The following RBFOX1 variants were observed in gnomAD, a reference collection of about 807,000 sequenced individuals.
RBFOX1 encodes the protein RNA binding fox-1 homolog 1.
Under a neutral mutation model 57.7 loss-of-function variants are expected in RBFOX1, and 8 were observed. The observed-to-expected ratio is 0.14, with a 90% CI of 0.08 to 0.25. The LOEUF is 0.25. Among genes scored for constraint, RBFOX1 ranks in the 10% least tolerant of loss-of-function variants. The pLI, the probability that RBFOX1 is intolerant of heterozygous loss-of-function variation, is 1.00. For synonymous variants in RBFOX1, 326 were observed against 222.4 expected (o/e 1.47, Z -4.15); for missense variants, 611 against 548.5 (o/e 1.11, Z -1.14).
At chr16:7,124,236 C>G (rs1016963886) in intron 4 of RBFOX1, among the ~76,000 whole-genome samples, 1 of 152,004 alleles carries the variant, frequency 6.6e-6, no homozygotes, top group African/African-American at 2.4e-5. Context: ...GAGTTGAAGA[C>G]TAGCCTGGGC....
At chr16:6,103,731 T>A (rs565441249) in intron 1 of RBFOX1, among the ~76,000 whole-genome samples, 1 of 152,240 alleles carries the variant, frequency 6.6e-6, no homozygotes, top group East Asian at 1.9e-4. Flanking sequence ...CATTCCTCAC[T>A]TCCACCTGCA....
At chr16:6,529,972 T>C (rs1398884801) in intron 2 of RBFOX1, among the ~76,000 whole-genome samples, 1 of 152,168 alleles carries the variant, frequency 6.6e-6, no homozygotes, top group East Asian at 1.9e-4. Context: ...TTCAACTTTC[T>C]GGTCCCTTTT....
intron 1 of RBFOX1, among the ~76,000 whole-genome samples, chr16:6,078,309 C>A (rs933796646): frequency 1.3e-5 from 2 of 152,180 alleles, no homozygotes; most frequent in African/African-American, 4.8e-5. Flanking sequence ...GCTTCTCCAG[C>A]CCATGTCCCC....
chr16:7,138,625 T>C (rs1172981190), intron 4 of RBFOX1, among the ~76,000 whole-genome samples: 1 of 152,156 alleles, frequency 6.6e-6, no homozygotes, highest in Non-Finnish European at 1.5e-5. Flanking sequence ...ATGCAAAAGA[T>C]AATAATTCTC....
At chr16:6,928,953 C>T (rs113837017) in intron 3 of RBFOX1, among the ~76,000 whole-genome samples, 1 of 152,100 alleles carries the variant, frequency 6.6e-6, no homozygotes, top group Admixed American at 6.6e-5. Context: ...CAGATGTCAT[C>T]TCATGTCATT....
intron 4 of RBFOX1, among the ~76,000 whole-genome samples, chr16:7,505,438 C>A (rs1214945123): frequency 6.6e-6 from 1 of 152,180 alleles, no homozygotes. Context: ...TGGTTGGGAA[C>A]TTCACTTGTT....
chr16:5,619,639 T>A (rs1443728346), intron 3 of RBFOX1, among the ~76,000 whole-genome samples: 2 of 152,148 alleles, frequency 1.3e-5, no homozygotes, highest in Non-Finnish European at 2.9e-5. Context: ...TACACACCAT[T>A]AGCAGGTGGC....
chr16:5,637,330 AT>A (rs2048713943), intron 3 of RBFOX1, among the ~76,000 whole-genome samples: 1 of 152,118 alleles, frequency 6.6e-6, no homozygotes, highest in African/African-American at 2.4e-5. Flanking sequence ...TAAATAAGTC[AT>A]GTCTTAGTAG....
chr16:7,398,191 G>T (rs1312283964), intron 4 of RBFOX1, among the ~76,000 whole-genome samples: 5 of 152,204 alleles, frequency 3.3e-5, no homozygotes, highest in African/African-American at 1.2e-4. Flanking sequence ...AGATGCCTCA[G>T]ACGCTTATGC....
intron 3 of RBFOX1, among the ~76,000 whole-genome samples, chr16:6,972,381 A>G (rs2085773679): frequency 6.6e-6 from 1 of 152,104 alleles, no homozygotes; most frequent in Non-Finnish European, 1.5e-5. Context: ...ATCACTTAGC[A>G]TAATGTCCTC....
At chr16:5,924,230 T>A (rs938349987) in intron 4 of RBFOX1, among the ~76,000 whole-genome samples, 3 of 152,164 alleles carry the variant, frequency 2.0e-5, no homozygotes, top group Non-Finnish European at 4.4e-5. Context: ...TAAACCTCTT[T>A]CCTTTATAAA....
At chr16:7,652,428 GAA>G (rs1470474150) in intron 11 of RBFOX1, among the ~76,000 whole-genome samples, 1 of 152,142 alleles carries the variant, frequency 6.6e-6, no homozygotes, top group African/African-American at 2.4e-5. Context: ...TCTTATTTGA[GAA>G]AAAGTCTTGC....
chr16:7,638,064 C>T (rs2062064500), intron 11 of RBFOX1, among the ~76,000 whole-genome samples: 2 of 152,178 alleles, frequency 1.3e-5, no homozygotes, highest in Admixed American at 1.3e-4. Flanking sequence ...TGCATTAAAA[C>T]ATGATCTATC....
At chr16:6,864,245 A>G (rs1349847225) in intron 3 of RBFOX1, among the ~76,000 whole-genome samples, 6 of 152,160 alleles carry the variant, frequency 3.9e-5, no homozygotes, top group South Asian at 4.1e-4. Flanking sequence ...TTCTCAAAGC[A>G]TAACTCTTCC....
chr16:6,165,157 G>T (rs1405598222), intron 1 of RBFOX1, among the ~76,000 whole-genome samples: 1 of 151,858 alleles, frequency 6.6e-6, no homozygotes, highest in African/African-American at 2.4e-5. Flanking sequence ...TTTTAAGTGG[G>T]AGTAATAGTA....
intron 1 of RBFOX1, among the ~76,000 whole-genome samples, chr16:6,142,590 G>A (rs1473534922): frequency 6.6e-6 from 1 of 152,152 alleles, no homozygotes; most frequent in Admixed American, 6.5e-5. Context: ...CTTTCAGGAA[G>A]GCAATGGCTC....
chr16:6,907,626 A>G (rs2070376980), intron 3 of RBFOX1, among the ~76,000 whole-genome samples: 1 of 152,290 alleles, frequency 6.6e-6, no homozygotes, highest in South Asian at 2.1e-4. Context: ...GCTGGATTGC[A>G]GTGGCACGAT....
chr16:7,189,586 C>CACAG (rs1291219168), intron 4 of RBFOX1, among the ~76,000 whole-genome samples: 1 of 145,918 alleles, frequency 6.9e-6, no homozygotes, highest in African/African-American at 2.7e-5. Flanking sequence ...CACACACACA[C>CACAG]ATACACACAC....
chr16:5,526,283 C>T (rs1481650580), intron 2 of RBFOX1, among the ~76,000 whole-genome samples: 1 of 122,234 alleles, frequency 8.2e-6, no homozygotes, highest in African/African-American at 3.3e-5. Context: ...GTTTCCACTC[C>T]CTTTATTATT....
Sources: gnomAD v4.1 joint callset for allele counts (sites outside exome capture counted in the v4.1 genomes callset) on GRCh38, gnomAD v4.1.1 for gene constraint, MANE v1.5 for transcripts, NCBI Gene and HGNC (gene_info 2026-07-23, HGNC 2026-07-21) for gene names.